Variants in ZFPM2 observed in about 807,000 individuals in gnomAD.
ZFPM2 encodes zinc finger protein ZFPM2.
Under a neutral mutation model 98.6 loss-of-function variants are expected in ZFPM2, and 20 were observed. The observed-to-expected ratio is 0.20, with a 90% confidence interval of 0.14 to 0.29. The LOEUF (loss-of-function observed/expected upper bound fraction) is 0.29, where lower values mean the gene tolerates loss of function less well. Ranked by LOEUF, ZFPM2 falls within the 10% of genes least tolerant of loss-of-function variation. The pLI, the probability that ZFPM2 is intolerant of heterozygous loss-of-function variation, is 1.00. For synonymous variants in ZFPM2, 518 were observed against 502.7 expected, an observed-to-expected ratio of 1.03 and a Z score of -0.41; for missense variants, 1,310 against 1,388.6, an observed-to-expected ratio of 0.94 and a Z score of 0.90.
intron 2 of ZFPM2, among the ~76,000 whole-genome samples, chr8:105,429,373 T>C (rs1317253158): frequency 6.6e-6 from 1 of 151,442 alleles, no homozygotes; most frequent in Non-Finnish European, 1.5e-5. Context: ...TTTTCTCATT[T>C]CTTAAAGATA....
chr8:105,689,722 T>C (rs1452314102), intron 5 of ZFPM2, among the ~76,000 whole-genome samples: 3 of 152,212 alleles, frequency 2.0e-5, no homozygotes, highest in African/African-American at 7.2e-5. Flanking sequence ...ATATTCTGCA[T>C]GGCATTTTTT....
At chr8:105,775,262 T>C (rs1029160383) in intron 5 of ZFPM2, among the ~76,000 whole-genome samples, 1 of 151,990 alleles carries the variant, frequency 6.6e-6, no homozygotes, top group Non-Finnish European at 1.5e-5. Context: ...TGAACTTGTA[T>C]AATTTATTCC....
intron 1 of ZFPM2, among the ~76,000 whole-genome samples, chr8:105,320,110 C>T (rs566241064): frequency 5.0e-4 from 76 of 151,924 alleles, no homozygotes; most frequent in Non-Finnish European, 9.4e-4. Context: ...TATCCCTTTC[C>T]CCCCTGATTA....
At chr8:105,438,646 A>G (rs1456635163) in intron 2 of ZFPM2, among the ~76,000 whole-genome samples, 2 of 152,172 alleles carry the variant, frequency 1.3e-5, no homozygotes, top group Non-Finnish European at 2.9e-5. Context: ...TGTCTGAGAC[A>G]TGAGTGTTGT....
intron 1 of ZFPM2, among the ~76,000 whole-genome samples, chr8:105,397,867 A>T (rs1169489562): frequency 2.0e-5 from 3 of 152,156 alleles, no homozygotes; most frequent in African/African-American, 7.2e-5. Flanking sequence ...GAAAAAAAAA[A>T]TCAGATATGT....
At chr8:105,390,107 C>G (rs1272633573) in intron 1 of ZFPM2, among the ~76,000 whole-genome samples, 1 of 152,090 alleles carries the variant, frequency 6.6e-6, no homozygotes, top group Admixed American at 6.5e-5. Context: ...AATTCTGACA[C>G]TAACAACCTA....
chr8:105,613,258 G>A (rs1486012559), intron 4 of ZFPM2, among the ~76,000 whole-genome samples: 1 of 152,120 alleles, frequency 6.6e-6, no homozygotes, highest in Non-Finnish European at 1.5e-5. Context: ...AAAAGGGAGA[G>A]GAGAGTGGGG....
At chr8:105,536,990 C>T (rs1327588858) in intron 3 of ZFPM2, among the ~76,000 whole-genome samples, 2 of 152,132 alleles carry the variant, frequency 1.3e-5, no homozygotes, top group African/African-American at 2.4e-5. Context: ...TTCCTAAAAT[C>T]ACAGGAGTAG....
chr8:105,598,674 A>G (rs1331936946), intron 4 of ZFPM2, among the ~76,000 whole-genome samples: 1 of 152,118 alleles, frequency 6.6e-6, no homozygotes, highest in African/African-American at 2.4e-5. Context: ...CTGACTTTCT[A>G]CATTTGCCTC....
chr8:105,445,701 C>T (rs967850106), intron 3 of ZFPM2, among the ~76,000 whole-genome samples: 1 of 151,200 alleles, frequency 6.6e-6, no homozygotes, highest in African/African-American at 2.4e-5. Flanking sequence ...ACCTCCCAGC[C>T]TCAAGTGATC....
intron 5 of ZFPM2, among the ~76,000 whole-genome samples, chr8:105,743,305 G>C (rs1020345998): frequency 2.0e-5 from 3 of 152,006 alleles, no homozygotes; most frequent in South Asian, 2.1e-4. Context: ...GAGAATTTCA[G>C]TCAGACCTGT....
intron 3 of ZFPM2, among the ~76,000 whole-genome samples, chr8:105,554,567 A>G (rs760786628): frequency 2.0e-5 from 3 of 152,222 alleles, no homozygotes; most frequent in South Asian, 2.1e-4. Context: ...GCCTTCTGCT[A>G]TACTATGGCC....
intron 4 of ZFPM2, among the ~76,000 whole-genome samples, chr8:105,593,921 C>T (rs765028904): frequency 1.3e-5 from 2 of 152,066 alleles, no homozygotes; most frequent in Non-Finnish European, 2.9e-5. Context: ...ACTTTAGCTG[C>T]TCTCTGGCTC....
At chr8:105,586,382 A>G (rs1815715347) in intron 4 of ZFPM2, among the ~76,000 whole-genome samples, 2 of 151,878 alleles carry the variant, frequency 1.3e-5, no homozygotes, top group African/African-American at 4.8e-5. Context: ...TTAGAGAAGT[A>G]CACGCAACCG....
chr8:105,589,303 C>T (rs1431972586), intron 4 of ZFPM2, among the ~76,000 whole-genome samples: 1 of 152,180 alleles, frequency 6.6e-6, no homozygotes, highest in Non-Finnish European at 1.5e-5. Flanking sequence ...ATAGATCATC[C>T]AGACTTTGTT....
chr8:105,501,184 C>CTT (rs147662695), intron 3 of ZFPM2, among the ~76,000 whole-genome samples: 31 of 127,412 alleles, frequency 2.4e-4, no homozygotes, highest in African/African-American at 7.1e-4. Flanking sequence ...TTACTTTTCT[C>CTT]TTTTTTTTTT....
At chr8:105,760,146 G>C (rs1812704056) in intron 5 of ZFPM2, among the ~76,000 whole-genome samples, 1 of 151,914 alleles carries the variant, frequency 6.6e-6, no homozygotes, top group Non-Finnish European at 1.5e-5. Flanking sequence ...GTAGGGGAGA[G>C]TATTGGCCAG....
rs931505572 is a variant in ZFPM2 at position 105,448,868 on chromosome 8, C to G, written c.301+4487C>G. Reference sequence around the variant, plus strand: ...TACCCTAGGACTGAACTTTGTTAAACACTTTTCACTCTGTCCTTTCAGACT... The same window carrying G: ...TACCCTAGGACTGAACTTTGTTAAAGACTTTTCACTCTGTCCTTTCAGACT... On this transcript the variant is annotated intron_variant, in intron 3 of 7. Coordinates refer to ENST00000407775, the MANE Select transcript of ZFPM2 (RefSeq NM_012082.4). Among the ~76,000 whole-genome samples the G allele has an allele frequency of 7.2e-5, 11 of 152,010 alleles. No homozygotes were observed. The East Asian group carries it at 2.1e-3, about 29-fold the overall frequency.
At chr8:105,589,975 C>T (rs1353396185) in intron 4 of ZFPM2, among the ~76,000 whole-genome samples, 1 of 152,194 alleles carries the variant, frequency 6.6e-6, no homozygotes, top group Non-Finnish European at 1.5e-5. Flanking sequence ...CCTGCCTCAG[C>T]CCCCAGAGTG....
Sources: gnomAD v4.1 joint callset for allele counts (sites outside exome capture counted in the v4.1 genomes callset) on GRCh38, gnomAD v4.1.1 for gene constraint, MANE v1.5 for transcripts, NCBI Gene and HGNC (gene_info 2026-07-23, HGNC 2026-07-21) for gene names.